Variants in KDR observed in about 807,000 individuals in gnomAD.
KDR encodes the protein kinase insert domain receptor.
A neutral mutation model predicts 160.9 loss-of-function variants in KDR; 43 were observed. That is an observed-to-expected ratio of 0.27 (90% CI 0.21 to 0.34). KDR has a LOEUF of 0.34. Ranked by LOEUF, KDR falls within the 10% of genes least tolerant of loss-of-function variation. KDR has a pLI of 1.00. For synonymous variants in KDR, 617 were observed against 600.1 expected (o/e 1.03, Z -0.41); for missense variants, 1,469 against 1,666.4 (o/e 0.88, Z 2.06).
intron 1 of KDR, among the ~76,000 whole-genome samples, chr4:55,123,108 C>T (rs1334719154): frequency 4.0e-5 from 6 of 151,878 alleles, no homozygotes; most frequent in Admixed American, 3.9e-4. Flanking sequence ...ATAACTGCCC[C>T]CAAAACAGGC....
Position 55,105,960 on chromosome 4 carries a change from A to G in KDR, c.1537-20T>C. 6.7e-7 allele frequency: 1 copy of G among 1,498,848 alleles called. No homozygotes were observed. Among genetic ancestry groups the G allele is most frequent in the Non-Finnish European group, 9.3e-7 (1 of 1,075,210 alleles). The allele number at this position is 1,498,848 out of a possible 1,614,324, so 92.8% of individuals were successfully genotyped here. ...TACAGTCTGTGCGGGGAAAAAACAA[A>G]TCCCAGGCCATAAACAACGCGGCTG... On this transcript the variant is annotated intron_variant, in intron 11 of 29. Transcript: ENST00000263923.
chr4:55,113,207 T>C, intron 7 of KDR, 97 bp downstream of exon 7: 1 of 1,325,880 alleles, frequency 7.5e-7, no homozygotes, highest in Non-Finnish European at 1.1e-6. Flanking sequence ...AGAAACTATC[T>C]TCTGAATGAA....
chr4:55,114,282 G>T lies in KDR; in HGVS notation c.659-17C>A. ...TCCTATACCCTAGAGCAAGTAAATT[G>T]AAAAAACAGAACATGAGAGAGCAAA... is the stretch of plus-strand genomic sequence containing the variant. On this transcript the variant is annotated splice_polypyrimidine_tract_variant and intron_variant, in intron 5 of 29. Coordinates refer to ENST00000263923, the MANE Select transcript of KDR (RefSeq NM_002253.4). The T allele has an allele frequency of 2.5e-6, 4 of 1,612,032 alleles. No individual in the cohort carries two copies. The highest frequency in any genetic ancestry group is 3.4e-6 in the Non-Finnish European group (4 of 1,178,698).
Position 55,079,680 on chromosome 4 carries a change from G to C in KDR, c.*261C>G, listed in dbSNP as rs190718657. The C allele has an allele frequency of 7.5e-6, 4 of 533,976 alleles. No individual in the cohort carries two copies. In the African/African-American group the frequency reaches 7.6e-5, roughly 10 times the overall value. 33.1% of individuals were successfully genotyped at this position (533,976 alleles called of 1,614,324 possible). On this transcript the variant is annotated 3_prime_UTR_variant, in exon 30 of 30. Transcript: ENST00000263923. Reference sequence around the variant, plus strand: ...TAAACCCATGGTGAGACCCGCAGCAGGGGGCATGATAAATGCTTTTTAAAT... The same window carrying C: ...TAAACCCATGGTGAGACCCGCAGCACGGGGCATGATAAATGCTTTTTAAAT...
chr4:55,083,337 G>A (rs1719783276), intron 27 of KDR, among the ~76,000 whole-genome samples: 1 of 152,148 alleles, frequency 6.6e-6, no homozygotes, highest in African/African-American at 2.4e-5. Flanking sequence ...TGACCCTCTT[G>A]TCCCATCTAT....
intron 1 of KDR, among the ~76,000 whole-genome samples, chr4:55,121,526 T>C (rs1720873708): frequency 2.0e-5 from 3 of 152,216 alleles, no homozygotes; most frequent in African/African-American, 2.4e-5. Context: ...CTCACTCCCT[T>C]GGGAAAGGAC....
At chr4:55,086,534 T>C (rs529380842) in intron 27 of KDR, among the ~76,000 whole-genome samples, 28 of 152,326 alleles carry the variant, frequency 1.8e-4, no homozygotes, top group Admixed American at 1.6e-3. Flanking sequence ...AAAAAGATCA[T>C]TGTTTCTACC....
intron 24 of KDR, 83 bp from the exon 25 acceptor site, chr4:55,089,556 T>A (rs1719955205): frequency 2.3e-6 from 3 of 1,324,346 alleles, no homozygotes; most frequent in Non-Finnish European, 2.2e-6. Context: ...CACATCCTCA[T>A]CACCTATGTA....
In KDR at chr4:55,079,228, G is replaced by C. The variant is rs546918842; in HGVS notation, c.*713C>G. The C allele has an allele frequency of 4.3e-6, 1 of 233,358 alleles. No individual in the cohort carries two copies. Among genetic ancestry groups the C allele is most frequent in the African/African-American group, 2.2e-5 (1 of 45,324 alleles). The allele number at this position is 233,358 out of a possible 1,614,324, so 14.5% of individuals were successfully genotyped here. ...TTCCTGGGGCTTGGCCAGGAGACAC[G>C]TAACGGTCTGGAAGGAACTCTCATT... On this transcript the variant is annotated 3_prime_UTR_variant, in exon 30 of 30. Coordinates refer to ENST00000263923, the MANE Select transcript of KDR (RefSeq NM_002253.4).
rs1227013950 is a variant in KDR at position 55,089,968 on chromosome 4, G to A, written c.3180C>T (p.Val1060=). Residue 1060 remains valine, a synonymous_variant, in exon 23 of 30, where the codon GTC becomes GTT. Coordinates refer to ENST00000263923, the MANE Select transcript of KDR (RefSeq NM_002253.4). The part of the protein sequence containing the change: ...ARDIYKDPDY[V]RKGDARLPLK... ...ATTTGAAACTTACATCTCCTTTTCT[G>A]ACATAATCTGGATCTTTATAAATAT... 1 of 1,613,874 alleles carries A rather than the reference G, an allele frequency of 6.2e-7. No individual in the cohort carries two copies. The highest frequency in any genetic ancestry group is 8.5e-7 in the Non-Finnish European group (1 of 1,179,962).
At chr4:55,081,410 A>G (rs1316638642) in intron 29 of KDR, among the ~76,000 whole-genome samples, 8 of 152,228 alleles carry the variant, frequency 5.3e-5, no homozygotes, top group African/African-American at 9.6e-5. Flanking sequence ...ACGTACACGT[A>G]TTCAAGACAC....
rs774811476 is a variant in KDR at position 55,094,770 on chromosome 4, T to C, written c.2971+32A>G. 4 of 1,604,418 alleles carry C rather than the reference T, an allele frequency of 2.5e-6. No homozygotes were observed. In the Admixed American group the frequency reaches 6.7e-5, roughly 27 times the overall value. ...CACCCTGTCTGCTCTGACAAGAGCATGCCATAGCATGCAGGAAGCACTAGC... is the reference window on the plus strand; with the variant it reads ...CACCCTGTCTGCTCTGACAAGAGCACGCCATAGCATGCAGGAAGCACTAGC... On this transcript the variant is annotated intron_variant, in intron 21 of 29. Transcript: ENST00000263923.
intron 1 of KDR, among the ~76,000 whole-genome samples, chr4:55,123,391 A>C (rs2110037856): frequency 6.6e-6 from 1 of 152,326 alleles, no homozygotes; most frequent in South Asian, 2.1e-4. Flanking sequence ...CAAAATCAGA[A>C]ACTCTTGAAG....
Position 55,094,877 on chromosome 4 carries a change from T to C in KDR, c.2896A>G (p.Ile966Val), listed in dbSNP as rs1358845613. 6.2e-7 allele frequency: 1 copy of C among 1,613,982 alleles called. No individual in the cohort carries two copies. Among genetic ancestry groups the C allele is most frequent in the African/African-American group, 1.3e-5 (1 of 75,052 alleles). Residue 966 changes from isoleucine (I) to valine (V), a missense_variant, in exon 21 of 30, where the codon ATC (isoleucine) becomes GTC (valine). Physicochemically the swap from Ile to Val is conservative, Grantham distance 29. Around this residue, in one of 7 missense-constraint regions of KDR, gnomAD observed 151 missense variants for 207.2 expected, o/e 0.73. Transcript: ENST00000263923. ...PVDLKRRLDS[I>V]TSSQSSASSG... ...CTGGCTGAGCTCTGGCTACTGGTGATGCTGTCCAAGCGCCGTTTCAGATCC... is the reference window on the plus strand; with the variant it reads ...CTGGCTGAGCTCTGGCTACTGGTGACGCTGTCCAAGCGCCGTTTCAGATCC...
chr4:55,094,101 C>A (rs919695969), intron 21 of KDR, among the ~76,000 whole-genome samples: 1 of 151,776 alleles, frequency 6.6e-6, no homozygotes, highest in South Asian at 2.1e-4. Context: ...CCCAGCTACT[C>A]GGAAGGCTGA....
chr4:55,118,902 C>T (rs1342477697), intron 2 of KDR, 102 bp from the exon 3 acceptor site: 1 of 909,446 alleles, frequency 1.1e-6, no homozygotes, highest in African/African-American at 1.6e-5. Flanking sequence ...ATAAACTCTT[C>T]AACAGACACA....
At chr4:55,085,451 C>T (rs2110007759) in intron 27 of KDR, among the ~76,000 whole-genome samples, 1 of 152,304 alleles carries the variant, frequency 6.6e-6, no homozygotes, top group East Asian at 1.9e-4. Flanking sequence ...AGCTTTTGTA[C>T]TTGGCCAGAA....
chr4:55,099,659 T>C (rs1720260826), intron 15 of KDR, among the ~76,000 whole-genome samples: 1 of 152,222 alleles, frequency 6.6e-6, no homozygotes, highest in African/African-American at 2.4e-5. Flanking sequence ...GTATCTACTA[T>C]GCACTCATCA....
At chr4:55,108,198 C>CAAAA (rs10693062) in intron 9 of KDR, among the ~76,000 whole-genome samples, 5 of 115,234 alleles carry the variant, frequency 4.3e-5, no homozygotes, top group Admixed American at 4.3e-4. Flanking sequence ...CCATCTCTAC[C>CAAAA]AAAAAAAAAA....
Sources: allele counts gnomAD v4.1 joint callset (sites outside exome capture counted in the v4.1 genomes callset), GRCh38; gene constraint gnomAD v4.1.1; regional missense constraint gnomAD v4.1.1; transcripts MANE v1.5; gene names NCBI Gene and HGNC (gene_info 2026-07-23, HGNC 2026-07-21).